The following NXPH1 variants were observed in gnomAD, a reference collection of about 807,000 sequenced individuals.
NXPH1 encodes neurexophilin 1.
In NXPH1, 5 loss-of-function variants were observed where a neutral mutation model predicts 23.7. The ratio of observed to expected loss-of-function variants is 0.21; its 90% CI spans 0.11 to 0.44. The LOEUF (loss-of-function observed/expected upper bound fraction) is 0.44, where lower values mean the gene tolerates loss of function less well. NXPH1 is among the 20% of genes least tolerant of loss of function. The probability of loss-of-function intolerance (pLI) is 0.99; values close to 1 mark genes in which losing one functional copy is unlikely to be tolerated. For synonymous variants in NXPH1, 144 were observed against 122.2 expected (o/e 1.18, Z -1.18); for missense variants, 324 against 321.6 (o/e 1.01, Z -0.06).
intron 2 of NXPH1, among the ~76,000 whole-genome samples, chr7:8,492,778 C>A (rs1483873371): frequency 6.6e-6 from 1 of 151,886 alleles, no homozygotes; most frequent in Non-Finnish European, 1.5e-5. Context: ...AGAACTAATG[C>A]CATGGAAATT....
intron 2 of NXPH1, among the ~76,000 whole-genome samples, chr7:8,671,638 A>G (rs1029439927): frequency 1.3e-5 from 2 of 152,192 alleles, no homozygotes; most frequent in African/African-American, 2.4e-5. Context: ...TTAGGTCTTG[A>G]GTAGTTTTTA....
At chr7:8,684,942 C>T (rs1224457827) in intron 2 of NXPH1, among the ~76,000 whole-genome samples, 1 of 151,944 alleles carries the variant, frequency 6.6e-6, no homozygotes, top group Non-Finnish European at 1.5e-5. Flanking sequence ...TTTTAAAAGG[C>T]TCAAATTCGC....
intron 2 of NXPH1, among the ~76,000 whole-genome samples, chr7:8,720,713 C>A (rs187120703): frequency 1.3e-5 from 2 of 152,256 alleles, no homozygotes; most frequent in Admixed American, 1.3e-4. Flanking sequence ...ACTTACTAGG[C>A]GATGATTTTG....
At chr7:8,603,861 A>G (rs1224214354) in intron 2 of NXPH1, among the ~76,000 whole-genome samples, 1 of 152,010 alleles carries the variant, frequency 6.6e-6, no homozygotes, top group Non-Finnish European at 1.5e-5. Context: ...TTGCTTATTT[A>G]TTCTTTCCTT....
chr7:8,571,597 C>T (rs1213642624), intron 2 of NXPH1, among the ~76,000 whole-genome samples: 1 of 151,874 alleles, frequency 6.6e-6, no homozygotes, highest in Non-Finnish European at 1.5e-5. Flanking sequence ...AGGACAAATG[C>T]TAGACATATC....
chr7:8,722,044 A>G (rs1271133455), intron 2 of NXPH1, among the ~76,000 whole-genome samples: 1 of 152,182 alleles, frequency 6.6e-6, no homozygotes, highest in African/African-American at 2.4e-5. Context: ...AGCAGGAGAG[A>G]ACCTCCAAAA....
At chr7:8,581,459 CCA>C (rs1818870621) in intron 2 of NXPH1, among the ~76,000 whole-genome samples, 1 of 152,064 alleles carries the variant, frequency 6.6e-6, no homozygotes, top group Non-Finnish European at 1.5e-5. Flanking sequence ...GGGGGAAGTG[CCA>C]CACAGTTTTT....
At chr7:8,728,706 A>G (rs1029183898) in intron 2 of NXPH1, among the ~76,000 whole-genome samples, 18 of 152,064 alleles carry the variant, frequency 1.2e-4, no homozygotes, top group African/African-American at 1.9e-4. Flanking sequence ...ATCATGGTGG[A>G]TAAGCTTTTT....
Position 8,742,076 on chromosome 7 carries a change from T to G in NXPH1, c.55-8932T>G, listed in dbSNP as rs1780376736. On this transcript the variant is annotated intron_variant, in intron 2 of 2. Coordinates refer to ENST00000405863, the MANE Select transcript of NXPH1 (RefSeq NM_152745.3). ...AAACATGGGCACCACGTAATCTACC[T>G]TGTAAGATTCAGAGTGCCTGAGATA... 2.6e-5 allele frequency among the ~76,000 whole-genome samples: 4 copies of G among 152,146 alleles called. No homozygotes were observed. The South Asian group carries it at 8.3e-4, about 31-fold the overall frequency.
intron 2 of NXPH1, among the ~76,000 whole-genome samples, chr7:8,628,539 ACTAGAACTCT>A (rs1298343721): frequency 1.3e-5 from 2 of 151,900 alleles, no homozygotes. Context: ...TACAAGTTAA[ACTAGAACTCT>A]CATTTTCTCT....
At chr7:8,687,565 C>T (rs1398371336) in intron 2 of NXPH1, among the ~76,000 whole-genome samples, 2 of 152,096 alleles carry the variant, frequency 1.3e-5, no homozygotes, top group Admixed American at 1.3e-4. Flanking sequence ...TGTCCCTGAA[C>T]ATGCATGGGT....
intron 2 of NXPH1, among the ~76,000 whole-genome samples, chr7:8,553,146 T>TGGCTGAAAAAGAAAAAAAGCAG: frequency 6.6e-6 from 1 of 151,552 alleles, no homozygotes; most frequent in Non-Finnish European, 1.5e-5. Context: ...AGATTCTCTT[T>TGGCTGAAAAAGAAAAAAAGCAG]GGCTGAAAAA....
chr7:8,748,371 C>T (rs1027635655), intron 2 of NXPH1, among the ~76,000 whole-genome samples: 1 of 152,138 alleles, frequency 6.6e-6, no homozygotes, highest in Non-Finnish European at 1.5e-5. Context: ...AAGTTGGCAG[C>T]GAAGATAACC....
At chr7:8,569,943 C>T (rs562526217) in intron 2 of NXPH1, among the ~76,000 whole-genome samples, 2 of 151,832 alleles carry the variant, frequency 1.3e-5, no homozygotes, top group South Asian at 4.1e-4. Context: ...AATAATAGTA[C>T]CCATAGTATA....
At chr7:8,445,328 A>G (rs1816381962) in intron 2 of NXPH1, among the ~76,000 whole-genome samples, 2 of 152,236 alleles carry the variant, frequency 1.3e-5, no homozygotes, top group African/African-American at 4.8e-5. Flanking sequence ...ACTTAGAGGA[A>G]CAAAAGGCCA....
intron 2 of NXPH1, among the ~76,000 whole-genome samples, chr7:8,737,146 G>T (rs769408859): frequency 3.3e-5 from 5 of 152,034 alleles, no homozygotes; most frequent in Non-Finnish European, 7.4e-5. Flanking sequence ...AGTTAATATT[G>T]TTGTGTGTGA....
intron 2 of NXPH1, among the ~76,000 whole-genome samples, chr7:8,588,515 A>G (rs60670026): frequency 0.076 from 11,601 of 152,206 alleles, 970 homozygotes; most frequent in African/African-American, 0.2. Context: ...CTCTTGCACA[A>G]CAGACCACAT....
At chr7:8,532,077 C>T (rs1347922968) in intron 2 of NXPH1, among the ~76,000 whole-genome samples, 1 of 152,074 alleles carries the variant, frequency 6.6e-6, no homozygotes, top group Admixed American at 6.5e-5. Flanking sequence ...AATTAACAGC[C>T]ATAAAAGTCA....
At chr7:8,483,417 A>G (rs1053112459) in intron 2 of NXPH1, among the ~76,000 whole-genome samples, 1 of 151,652 alleles carries the variant, frequency 6.6e-6, no homozygotes, top group Non-Finnish European at 1.5e-5. Context: ...TGCAGCCTTG[A>G]CCTCCCAGGC....
Sources: gnomAD v4.1 joint callset for allele counts (sites outside exome capture counted in the v4.1 genomes callset) on GRCh38, gnomAD v4.1.1 for gene constraint, MANE v1.5 for transcripts, NCBI Gene and HGNC (gene_info 2026-07-23, HGNC 2026-07-21) for gene names.